RNF168: variants seen among roughly 807,000 people sequenced by gnomAD.
RNF168 encodes the protein ring finger protein 168.
A neutral mutation model predicts 34.9 loss-of-function variants in RNF168; 34 were observed. The ratio of observed to expected loss-of-function variants is 0.97; its 90% CI spans 0.74 to 1.30. The LOEUF (loss-of-function observed/expected upper bound fraction) is 1.30, where lower values mean the gene tolerates loss of function less well. Among genes scored for constraint, RNF168 ranks in the 50% most tolerant of loss-of-function variants. The pLI is 0.00. For synonymous variants in RNF168, 264 were observed against 254.7 expected (o/e 1.04, Z -0.35); for missense variants, 725 against 682.5 (o/e 1.06, Z -0.69).
intron 4 of RNF168, among the ~76,000 whole-genome samples, chr3:196,481,464 C>T (rs1294634777): frequency 6.6e-6 from 1 of 151,306 alleles, no homozygotes; most frequent in South Asian, 2.1e-4. Context: ...GAAATAATTT[C>T]GATGTTCCAC....
rs1381192332 is a variant in RNF168 at position 196,475,250 on chromosome 3, C to T, written c.743G>A (p.Arg248Lys). 6.2e-7 allele frequency: 1 copy of T among 1,606,336 alleles called. No homozygotes were observed. The highest frequency in any genetic ancestry group is 1.3e-5 in the African/African-American group (1 of 74,892). The change falls in exon 5 of 6, where the codon AGG becomes AAG. Residue 248 changes from arginine (R) to lysine (K), a missense_variant. Coordinates refer to ENST00000318037, the MANE Select transcript of RNF168 (RefSeq NM_152617.4). ...ACATACCTTAGATACGGAGTCTTTCCTGACTTCTTGTACAGCTTCAGAGTG... is the reference window on the plus strand; with the variant it reads ...ACATACCTTAGATACGGAGTCTTTCTTGACTTCTTGTACAGCTTCAGAGTG... ...ASHSEAVQEV[R>K]KDSVSKDIDS... is the part of the protein sequence containing the mutation.
intron 1 of RNF168, among the ~76,000 whole-genome samples, chr3:196,495,396 T>C (rs1027063401): frequency 5.3e-5 from 8 of 152,242 alleles, no homozygotes; most frequent in African/African-American, 1.9e-4. Context: ...ACCTTTGTCC[T>C]AATCCATGTT....
At position 196,497,903 on chromosome 3, in the gene RNF168, G is replaced by A. The variant is rs568685538; in HGVS notation, c.301+4970C>T. Among the ~76,000 whole-genome samples the A allele has an allele frequency of 9.3e-4, 141 of 152,114 alleles. 1 individual carries two copies. The highest frequency in any genetic ancestry group is 3.3e-3 in the African/African-American group (138 of 41,490). ...ACAACTGAATATAAACAATTTAGGG[G>A]AAAAAGAATTAAACAGACACTTTAC... On this transcript the variant is annotated intron_variant, in intron 1 of 5. Transcript: ENST00000318037.
chr3:196,483,089 T>G (rs1013856561), intron 4 of RNF168, among the ~76,000 whole-genome samples: 1 of 152,176 alleles, frequency 6.6e-6, no homozygotes, highest in South Asian at 2.1e-4. Flanking sequence ...GACACTGATA[T>G]TGTCACATCT....
Position 196,469,993 on chromosome 3 carries a change from G to T in RNF168, c.*1826C>A, listed in dbSNP as rs1731960932. ...AAATGTTTCCTGTGTTCTTTCACAA[G>T]GACAAGGGAAGAGGATGCTCTGCCA... On this transcript the variant is annotated 3_prime_UTR_variant, in exon 6 of 6. Transcript: ENST00000318037. 1 of 152,266 alleles carries T rather than the reference G, an allele frequency of 6.6e-6. No individual in the cohort carries two copies. The highest frequency in any genetic ancestry group is 1.5e-5 in the Non-Finnish European group (1 of 68,056). 9.4% of individuals were successfully genotyped at this position (152,266 alleles called of 1,614,324 possible). A position where few individuals can be genotyped will look rare whatever the true frequency, so the allele number is the denominator to read the frequency against.
intron 1 of RNF168, among the ~76,000 whole-genome samples, chr3:196,502,054 G>GAAAAAAAAAAAAAAAAAAA (rs554041803): frequency 6.0e-5 from 3 of 50,048 alleles, no homozygotes; most frequent in Non-Finnish European, 1.1e-4. Flanking sequence ...AAAAAAATTA[G>GAAAAAAAAAAAAAAAAAAA]AAAAAAAAAA....
intron 1 of RNF168, among the ~76,000 whole-genome samples, chr3:196,502,258 A>C (rs1169285886): frequency 6.6e-6 from 1 of 151,992 alleles, no homozygotes; most frequent in Non-Finnish European, 1.5e-5. Context: ...CATGATTAGG[A>C]GAATCAAGAA....
chr3:196,477,300 A>G (rs763598537), intron 4 of RNF168, among the ~76,000 whole-genome samples: 3 of 152,192 alleles, frequency 2.0e-5, no homozygotes, highest in Non-Finnish European at 4.4e-5. Flanking sequence ...AAGAGCAGCT[A>G]GCCATGGCTT....
In RNF168 at chr3:196,472,105, CGTAA is replaced by C. The variant is rs781187304; in HGVS notation, c.1426_1429del (p.Leu476AlafsTer11). On this transcript the variant is annotated frameshift_variant, in exon 6 of 6. Transcript: ENST00000318037. LOFTEE classifies it high-confidence loss of function. ...TTTGTCTGGAGGGGAGGATGTAGCG[CGTAA>C]GTGATACTCATCTGGGGATCCTTTT... 2.5e-5 allele frequency: 41 copies of C among 1,613,670 alleles called. No individual in the cohort carries two copies. The highest frequency in any genetic ancestry group is 1.6e-4 in the Middle Eastern group (1 of 6,082).
chr3:196,500,402 A>C (rs1049165051), intron 1 of RNF168, among the ~76,000 whole-genome samples: 14 of 152,236 alleles, frequency 9.2e-5, no homozygotes, highest in African/African-American at 2.9e-4. Context: ...GGCCAGACAC[A>C]AAAGGACAAA....
At chr3:196,491,717 C>T (rs969734813) in intron 1 of RNF168, among the ~76,000 whole-genome samples, 1 of 152,010 alleles carries the variant, frequency 6.6e-6, no homozygotes, top group African/African-American at 2.4e-5. Context: ...ACGGAGATAC[C>T]GCTTCAGAGG....
In RNF168 at chr3:196,470,539, C is replaced by T. The variant is rs1731973103; in HGVS notation, c.*1280G>A. On this transcript the variant is annotated 3_prime_UTR_variant, in exon 6 of 6. Coordinates refer to ENST00000318037, the MANE Select transcript of RNF168 (RefSeq NM_152617.4). ...GTCAGTCACCCCATCCAGCCTCAGC[C>T]TCATCCTCATCTGGACCCGTTTCTG... is the stretch of plus-strand genomic sequence containing the variant. 3 of 152,024 alleles carry T rather than the reference C, an allele frequency of 2.0e-5. No individual in the cohort carries two copies. 9.4% of individuals were successfully genotyped at this position (152,024 alleles called of 1,614,324 possible).
In RNF168 at chr3:196,475,868, T is replaced by C. The variant is rs140947002; in HGVS notation, c.681-556A>G. Among the ~76,000 whole-genome samples the C allele has an allele frequency of 5.6e-3, 832 of 149,056 alleles. 3 individuals are homozygous for C. The highest frequency in any genetic ancestry group is 0.019 in the African/African-American group (768 of 40,348). On this transcript the variant is annotated intron_variant, in intron 4 of 5. Coordinates refer to ENST00000318037, the MANE Select transcript of RNF168 (RefSeq NM_152617.4). ...CCCGGCTAAATATTTTTTTTTCTTT[T>C]CTTTTTTTTGAGACGGAGTCTCCCT...
chr3:196,479,383 C>G (rs756093543), intron 4 of RNF168, among the ~76,000 whole-genome samples: 114 of 152,134 alleles, frequency 7.5e-4, no homozygotes, highest in African/African-American at 2.6e-3. Flanking sequence ...TAGCTCACGG[C>G]AGCCTTGACC....
intron 2 of RNF168, among the ~76,000 whole-genome samples, chr3:196,487,925 T>A (rs2108650429): frequency 6.6e-6 from 1 of 152,348 alleles, no homozygotes; most frequent in East Asian, 1.9e-4. Context: ...ACACTGCTTT[T>A]TAGGTACTTT....
chr3:196,487,420 T>C lies in RNF168; in HGVS notation c.537A>G (p.Ala179=). 6.2e-7 allele frequency: 1 copy of C among 1,614,174 alleles called. No individual in the cohort carries two copies. Among genetic ancestry groups the C allele is most frequent in the South Asian group, 1.1e-5 (1 of 91,086 alleles). Residue 179 remains alanine (A), a synonymous_variant, in exon 3 of 6, where the codon GCA becomes GCG. Transcript: ENST00000318037. ...TTACAATATCAATGCTTAGCTTTCT[T>C]GCCAGTTCCTCATCACTTTTCAGTT... The part of the protein sequence containing the change: ...EEQLKSDEEL[A]RKLSIDINNF...
intron 1 of RNF168, among the ~76,000 whole-genome samples, chr3:196,490,571 T>C (rs892766376): frequency 1.3e-5 from 2 of 151,380 alleles, no homozygotes; most frequent in African/African-American, 4.9e-5. Context: ...TGTAACAAAA[T>C]TACCCTTGCA....
At chr3:196,483,050 T>C (rs1732335883) in intron 4 of RNF168, among the ~76,000 whole-genome samples, 1 of 152,148 alleles carries the variant, frequency 6.6e-6, no homozygotes, top group Non-Finnish European at 1.5e-5. Context: ...GGTTTTCTCA[T>C]TTTTACTTTG....
intron 1 of RNF168, among the ~76,000 whole-genome samples, chr3:196,500,742 C>G (rs534290294): frequency 6.6e-6 from 1 of 151,756 alleles, no homozygotes; most frequent in African/African-American, 2.4e-5. Flanking sequence ...AACGGAGTCT[C>G]GCTCTGTCTC....
Sources: gnomAD v4.1 joint callset for allele counts (sites outside exome capture counted in the v4.1 genomes callset) on GRCh38, gnomAD v4.1.1 for gene constraint, MANE v1.5 for transcripts, NCBI Gene and HGNC (gene_info 2026-07-23, HGNC 2026-07-21) for gene names.